Variants in WDR47 observed in about 807,000 individuals in gnomAD.
The protein encoded by WDR47 is WD repeat domain 47, also known as WD repeat-containing protein 47.
A neutral mutation model predicts 97.2 loss-of-function variants in WDR47; 32 were observed. That is an observed-to-expected ratio of 0.33 (90% CI 0.25 to 0.44). The LOEUF is 0.44. Among genes scored for constraint, WDR47 ranks in the 20% least tolerant of loss-of-function variants. The pLI, the probability that WDR47 is intolerant of heterozygous loss-of-function variation, is 1.00. For synonymous variants in WDR47, 375 were observed against 373.5 expected (o/e 1.00, Z -0.05); for missense variants, 782 against 1,102.3 (o/e 0.71, Z 4.11).
intron 14 of WDR47, among the ~76,000 whole-genome samples, chr1:108,972,946 A>C (rs114679214): frequency 0.087 from 9,927 of 114,420 alleles, 432 homozygotes; most frequent in Middle Eastern, 0.17. Flanking sequence ...ACTCTGTCTC[A>C]GAAAAAAAAA....
At chr1:109,000,839 C>T (rs572959004) in intron 7 of WDR47, among the ~76,000 whole-genome samples, 1 of 152,144 alleles carries the variant, frequency 6.6e-6, no homozygotes, top group African/African-American at 2.4e-5. Context: ...AGCTAACAGT[C>T]ACCATTACAG....
intron 10 of WDR47, among the ~76,000 whole-genome samples, chr1:108,985,712 A>G (rs536728528): frequency 2.0e-5 from 3 of 152,324 alleles, no homozygotes; most frequent in African/African-American, 7.2e-5. Context: ...AAGAAATACA[A>G]AAGATGAGAA....
chr1:109,037,867 TTC>T (rs1292229833), intron 1 of WDR47, among the ~76,000 whole-genome samples: 1 of 152,132 alleles, frequency 6.6e-6, no homozygotes, highest in Non-Finnish European at 1.5e-5. Context: ...CTTTCTTTCT[TTC>T]TCTCTCTTTG....
intron 2 of WDR47, among the ~76,000 whole-genome samples, chr1:109,018,341 G>A (rs1661573634): frequency 6.6e-6 from 1 of 151,302 alleles, no homozygotes; most frequent in Non-Finnish European, 1.5e-5. Flanking sequence ...CCCAGCTACT[G>A]GCAGGAGAAG....
At chr1:108,984,379 T>C (rs1658598465) in intron 10 of WDR47, among the ~76,000 whole-genome samples, 1 of 152,140 alleles carries the variant, frequency 6.6e-6, no homozygotes, top group Non-Finnish European at 1.5e-5. Context: ...TCCTGAAGGA[T>C]GAAAGGGTTA....
intron 13 of WDR47, 28 bp downstream of exon 13, chr1:108,981,705 C>T (rs1658358770): frequency 6.3e-7 from 1 of 1,587,176 alleles, no homozygotes; most frequent in African/African-American, 1.4e-5. Context: ...GTTTTTTTCC[C>T]ATATATATCA....
chr1:108,974,598 G>A lies in WDR47; in HGVS notation c.2555C>T (p.Pro852Leu). 1.9e-6 allele frequency: 3 copies of A among 1,614,142 alleles called. No individual in the cohort carries two copies. Among genetic ancestry groups the A allele is most frequent in the Non-Finnish European group, 2.5e-6 (3 of 1,180,020 alleles). Residue 852 changes from proline to leucine, a missense_variant, in exon 14 of 15, where the codon CCT (proline) becomes CTT (leucine). Coordinates refer to ENST00000369962, the MANE Select transcript of WDR47 (RefSeq NM_001142551.2). ...GCCTGTTAGCAAGTAGTGAGCTCCAGGGGAGAATCGAACAGAGCGAACATC... is the reference window on the plus strand; with the variant it reads ...GCCTGTTAGCAAGTAGTGAGCTCCAAGGGAGAATCGAACAGAGCGAACATC... ...SSDVRSVRFS[P>L]GAHYLLTGSY...
chr1:108,982,916 A>G, intron 11 of WDR47, 137 bp from the exon 12 acceptor site: 3 of 1,009,600 alleles, frequency 3.0e-6, no homozygotes, highest in Non-Finnish European at 2.8e-6. Flanking sequence ...AGGGATTGGT[A>G]TTATAAGCAG....
intron 14 of WDR47, among the ~76,000 whole-genome samples, chr1:108,972,651 A>T (rs77006276): frequency 0.014 from 2,115 of 152,260 alleles, 55 homozygotes; most frequent in African/African-American, 0.048. Context: ...CTTAAAAAAA[A>T]TGTCTATAGG....
At chr1:108,974,324 T>C (rs1571125405) in intron 14 of WDR47, among the ~76,000 whole-genome samples, 1 of 152,236 alleles carries the variant, frequency 6.6e-6, no homozygotes, top group African/African-American at 2.4e-5. Flanking sequence ...CCCCTGCCTC[T>C]ATAAAAACAA....
At chr1:108,994,589 G>A (rs1021772484) in intron 8 of WDR47, among the ~76,000 whole-genome samples, 1 of 151,670 alleles carries the variant, frequency 6.6e-6, no homozygotes, top group African/African-American at 2.4e-5. Context: ...AAAAAAAATT[G>A]TATGTATATA....
Position 109,011,252 on chromosome 1 carries a change from A to C in WDR47, c.794T>G (p.Leu265Arg). ...VFSCAFEQKM[L>R]NIHVDKLLKP... The stretch of plus-strand genomic sequence containing the variant: ...CAGAAGTTTGTCAACATGAATATTA[A>C]GCATTTTCTGTTCAAAAGCACAAGA... Residue 265 changes from leucine (L) to arginine (R), a missense_variant, in exon 5 of 15, where the codon CTT becomes CGT. Coordinates refer to ENST00000369962, the MANE Select transcript of WDR47 (RefSeq NM_001142551.2). The C allele has an allele frequency of 6.2e-7, 1 of 1,614,178 alleles. No individual in the cohort carries two copies. Among genetic ancestry groups the C allele is most frequent in the Non-Finnish European group, 8.5e-7 (1 of 1,180,028 alleles).
chr1:109,039,881 C>T (rs1172660150), intron 1 of WDR47, among the ~76,000 whole-genome samples: 1 of 151,698 alleles, frequency 6.6e-6, no homozygotes, highest in Non-Finnish European at 1.5e-5. Context: ...ACTAAAAATA[C>T]AAAAAGTAGC....
chr1:109,037,690 G>T (rs559761324), intron 1 of WDR47, among the ~76,000 whole-genome samples: 81 of 150,206 alleles, frequency 5.4e-4, no homozygotes, highest in Non-Finnish European at 1.1e-3. Context: ...TTTATAAAAG[G>T]TTCCATTTTC....
intron 10 of WDR47, among the ~76,000 whole-genome samples, chr1:108,986,062 TAA>T (rs890697620): frequency 4.0e-5 from 6 of 151,396 alleles, no homozygotes; most frequent in Non-Finnish European, 7.4e-5. Flanking sequence ...TTAAGAGGTG[TAA>T]AAGAGTAAGA....
At position 108,970,801 on chromosome 1, in the gene WDR47, C is replaced by T. The variant is rs1452231472; in HGVS notation, c.*629G>A. The T allele has an allele frequency of 6.6e-6, 1 of 152,368 alleles. No homozygotes were observed. Among genetic ancestry groups the T allele is most frequent in the Non-Finnish European group, 1.5e-5 (1 of 68,026 alleles). The allele number at this position is 152,368 out of a possible 1,614,324, so 9.4% of individuals were successfully genotyped here. A position where few individuals can be genotyped will look rare whatever the true frequency, so the allele number is the denominator to read the frequency against. Reference sequence around the variant, plus strand: ...AATTATATGACAAAATAATCATATCCCTGGGTTTAAGAAAAAAGGGCCTAT... The same window carrying T: ...AATTATATGACAAAATAATCATATCTCTGGGTTTAAGAAAAAAGGGCCTAT... On this transcript the variant is annotated 3_prime_UTR_variant, in exon 15 of 15. Coordinates refer to ENST00000369962, the MANE Select transcript of WDR47 (RefSeq NM_001142551.2).
At chr1:109,030,149 C>A (rs1306561284) in intron 1 of WDR47, 2 of 1,311,490 alleles carry the variant, frequency 1.5e-6, no homozygotes, top group Non-Finnish European at 2.1e-6. Context: ...TGCAGAGCCC[C>A]AATTCCTACT....
chr1:108,988,768 T>C (rs1300219155), intron 9 of WDR47, among the ~76,000 whole-genome samples: 1 of 152,200 alleles, frequency 6.6e-6, no homozygotes, highest in Non-Finnish European at 1.5e-5. Flanking sequence ...TTTCTACTTT[T>C]TTTTTTTGAG....
intron 8 of WDR47, among the ~76,000 whole-genome samples, chr1:108,995,147 T>G (rs1659654188): frequency 6.6e-6 from 1 of 152,254 alleles, no homozygotes; most frequent in East Asian, 1.9e-4. Flanking sequence ...ATATGCAGTC[T>G]TCCACTGCTG....
Sources: allele counts gnomAD v4.1 joint callset (sites outside exome capture counted in the v4.1 genomes callset), GRCh38; gene constraint gnomAD v4.1.1; transcripts MANE v1.5; gene names NCBI Gene and HGNC (gene_info 2026-07-23, HGNC 2026-07-21).